RYR2: variants seen among roughly 807,000 people sequenced by gnomAD.
RYR2 encodes the protein ryanodine receptor 2.
RYR2 carries 227 observed loss-of-function variants against 601.1 expected under a neutral mutation model. The ratio of observed to expected loss-of-function variants is 0.38; its 90% confidence interval spans 0.34 to 0.42. The LOEUF (loss-of-function observed/expected upper bound fraction) is 0.42. Ranked by LOEUF, RYR2 falls within the 10% of genes least tolerant of loss-of-function variation. RYR2 has a pLI of 1.00. For synonymous variants in RYR2, 2,223 were observed against 2,175.1 expected, an observed-to-expected ratio of 1.02 and a Z score of -0.61; for missense variants, 4,646 against 6,156.5, an observed-to-expected ratio of 0.75 and a Z score of 8.21.
intron 79 of RYR2, among the ~76,000 whole-genome samples, chr1:237,739,008 G>A (rs1691382539): frequency 6.6e-6 from 1 of 152,090 alleles, no homozygotes; most frequent in African/African-American, 2.4e-5. Context: ...CAACCAAATG[G>A]GTATGAAATG....
chr1:237,116,120 G>A (rs2485560), intron 1 of RYR2, among the ~76,000 whole-genome samples: 79,377 of 151,930 alleles, frequency 0.52, 21,202 homozygotes, highest in Admixed American at 0.65. Context: ...GTGGCTTTGC[G>A]AGCCTTCTTT....
intron 1 of RYR2, among the ~76,000 whole-genome samples, chr1:237,206,298 T>C (rs638910): frequency 0.99 from 150,425 of 152,296 alleles, 74,316 homozygotes; most frequent in Middle Eastern, 1. Flanking sequence ...AGGTCCTGAA[T>C]ACCCTGAAAC....
chr1:237,551,770 A>G (rs1189421357), intron 27 of RYR2, among the ~76,000 whole-genome samples: 1 of 152,210 alleles, frequency 6.6e-6, no homozygotes, highest in East Asian at 1.9e-4. Flanking sequence ...ATCTTAAATA[A>G]TAATGATAGT....
In RYR2 at chr1:237,082,550, TATATATAA is replaced by T. The variant is rs139994134; in HGVS notation, c.48+39983_48+39990del. Among the ~76,000 whole-genome samples the T allele has an allele frequency of 6.0e-4, 77 of 129,196 alleles. 3 individuals are homozygous for T. The highest frequency in any genetic ancestry group is 1.6e-3 in the Admixed American group (21 of 12,778). The allele number at this position is 129,196 out of a possible 152,430, so 84.8% of individuals were successfully genotyped here. A position where few individuals can be genotyped will look rare whatever the true frequency, so the allele number is the denominator to read the frequency against. On this transcript the variant is annotated intron_variant, in intron 1 of 104. Transcript: ENST00000366574. Reference sequence around the variant, plus strand: ...ATATATATATATATATATATATATATATATATAAAATCGGATATAAAATCAGAGAGTAA... The same window carrying T: ...ATATATATATATATATATATATATATAATCGGATATAAAATCAGAGAGTAA...
intron 1 of RYR2, among the ~76,000 whole-genome samples, chr1:237,112,080 C>T (rs1044186396): frequency 6.6e-6 from 1 of 152,084 alleles, no homozygotes; most frequent in Admixed American, 6.6e-5. Context: ...TAAGTTCCCC[C>T]TCCATCACTG....
chr1:237,683,740 A>C (rs745697276), intron 62 of RYR2, among the ~76,000 whole-genome samples: 1 of 152,168 alleles, frequency 6.6e-6, no homozygotes, highest in Non-Finnish European at 1.5e-5. Flanking sequence ...TTTTTATGTG[A>C]AAGAATGATC....
In RYR2 at chr1:237,597,971, T is replaced by A. The variant is rs76516164; in HGVS notation, c.4596+2314T>A. On this transcript the variant is annotated intron_variant, in intron 34 of 104. Coordinates refer to ENST00000366574, the MANE Select transcript of RYR2 (RefSeq NM_001035.3). The stretch of plus-strand genomic sequence containing the variant: ...TTTAAGGACAGACATAGCCTGAAAG[T>A]GAAGGGATGGAAAAAGATTTTCAAT... 4.0e-3 allele frequency among the ~76,000 whole-genome samples: 602 copies of A among 151,966 alleles called. 2 individuals carry two copies. Among genetic ancestry groups the A allele is most frequent in the African/African-American group, 0.013 (559 of 41,430 alleles).
chr1:237,302,788 T>TATTC lies in RYR2; in HGVS notation c.169-28087_169-28084dup, dbSNP rs532403892. Among the ~76,000 whole-genome samples the TATTC allele has an allele frequency of 2.1e-4, 32 of 152,334 alleles. 1 individual carries two copies. The South Asian group carries it at 6.2e-3, about 30-fold the overall frequency. ...TACTTATAAACAATACTACAGTGAA[T>TATTC]ATTCATATATGAAATAAATATCTCT... On this transcript the variant is annotated intron_variant, in intron 2 of 104. Transcript: ENST00000366574.
chr1:237,450,829 A>T (rs1467384396), intron 14 of RYR2, among the ~76,000 whole-genome samples: 6 of 152,202 alleles, frequency 3.9e-5, no homozygotes, highest in African/African-American at 1.4e-4. Context: ...GCCATGGATA[A>T]ACACAATTAA....
chr1:237,377,949 A>G (rs1348244636), intron 8 of RYR2, among the ~76,000 whole-genome samples: 1 of 152,212 alleles, frequency 6.6e-6, no homozygotes, highest in East Asian at 1.9e-4. Flanking sequence ...AAATGGGAGA[A>G]TGAAGGAAGA....
chr1:237,183,887 T>TA (rs1679051085), intron 1 of RYR2, among the ~76,000 whole-genome samples: 1 of 152,208 alleles, frequency 6.6e-6, no homozygotes, highest in Non-Finnish European at 1.5e-5. Context: ...CATAATCTGT[T>TA]AGAGTTGAGC....
intron 4 of RYR2, 54 bp downstream of exon 4, chr1:237,356,039 C>T (rs1699266845): frequency 6.7e-7 from 1 of 1,500,250 alleles, no homozygotes; most frequent in Non-Finnish European, 9.2e-7. Flanking sequence ...TGCATGCTTG[C>T]TCTCGCCTCT....
chr1:237,735,924 A>G (rs1325847286), intron 79 of RYR2, among the ~76,000 whole-genome samples: 3 of 152,216 alleles, frequency 2.0e-5, no homozygotes, highest in Non-Finnish European at 4.4e-5. Flanking sequence ...CCATGGATTC[A>G]GAACCAATGG....
At chr1:237,534,148 A>G (rs1369274664) in intron 25 of RYR2, among the ~76,000 whole-genome samples, 6 of 152,118 alleles carry the variant, frequency 3.9e-5, no homozygotes, top group Non-Finnish European at 4.4e-5. Context: ...ACTAGGCAAT[A>G]CTGCTCAAAA....
At chr1:237,219,077 A>G (rs1402486012) in intron 1 of RYR2, among the ~76,000 whole-genome samples, 4 of 147,768 alleles carry the variant, frequency 2.7e-5, no homozygotes, top group South Asian at 2.1e-4. Context: ...CAGTGGTGCA[A>G]TCTCGGCTCA....
chr1:237,709,014 T>C lies in RYR2; in HGVS notation c.10058T>C (p.Leu3353Pro). The C allele has an allele frequency of 6.2e-7, 1 of 1,613,172 alleles. No homozygotes were observed. The highest frequency in any genetic ancestry group is 8.5e-7 in the Non-Finnish European group (1 of 1,179,174). Residue 3353 changes from leucine to proline, a missense_variant, in exon 69 of 105, where the codon CTC becomes CCC. Physicochemically the swap from Leu to Pro is moderately conservative, Grantham distance 98 (BLOSUM62 -3). Transcript: ENST00000366574. Reference protein sequence around the residue: ...EARGDMSEAELLILDEFTTLA... With the variant: ...EARGDMSEAEPLILDEFTTLA... Reference sequence around the variant, plus strand: ...AGGGGGGACATGTCGGAGGCAGAACTCCTCATCCTAGATGAGTTCACCACA... The same window carrying C: ...AGGGGGGACATGTCGGAGGCAGAACCCCTCATCCTAGATGAGTTCACCACA...
intron 1 of RYR2, among the ~76,000 whole-genome samples, chr1:237,211,212 C>T (rs551520007): frequency 3.9e-5 from 6 of 152,138 alleles, no homozygotes; most frequent in African/African-American, 4.8e-5. Flanking sequence ...CAAAGCTCAC[C>T]GTGGCTCTTT....
At chr1:237,766,089 G>A (rs549615875) in intron 84 of RYR2, among the ~76,000 whole-genome samples, 12 of 152,156 alleles carry the variant, frequency 7.9e-5, no homozygotes, top group Non-Finnish European at 1.5e-4. Flanking sequence ...TACCAAACAC[G>A]GCAGAGAATG....
At chr1:237,254,926 A>T (rs7527600) in intron 1 of RYR2, among the ~76,000 whole-genome samples, 135,602 of 152,112 alleles carry the variant, frequency 0.89, 62,162 homozygotes, top group Non-Finnish European at 0.99. Flanking sequence ...TAAATTCTGC[A>T]TGTCTCAATG....
Sources: gnomAD v4.1 joint callset for allele counts (sites outside exome capture counted in the v4.1 genomes callset) on GRCh38, gnomAD v4.1.1 for gene constraint, MANE v1.5 for transcripts, NCBI Gene and HGNC (gene_info 2026-07-23, HGNC 2026-07-21) for gene names.